The following DPYD variants were observed in gnomAD, a reference collection of about 807,000 sequenced individuals.
DPYD encodes the protein dihydropyrimidine dehydrogenase [NADP(+)].
Under a neutral mutation model 116.2 loss-of-function variants are expected in DPYD, and 109 were observed. The ratio of observed to expected loss-of-function variants is 0.94; its 90% CI spans 0.80 to 1.10. The LOEUF is 1.10. Among genes scored for constraint, DPYD ranks in the 50% least tolerant of loss-of-function variants. The pLI, the probability that DPYD is intolerant of heterozygous loss-of-function variation, is 0.00. For synonymous variants in DPYD, 440 were observed against 432.0 expected, an observed-to-expected ratio of 1.02 and a Z score of -0.23; for missense variants, 1,302 against 1,254.5, an observed-to-expected ratio of 1.04 and a Z score of -0.57.
chr1:97,302,232 G>A (rs1014492181), intron 18 of DPYD, among the ~76,000 whole-genome samples: 4 of 152,030 alleles, frequency 2.6e-5, no homozygotes, highest in African/African-American at 9.6e-5. Context: ...TAGAATCAAT[G>A]GTTTAGACAG....
intron 20 of DPYD, among the ~76,000 whole-genome samples, chr1:97,153,660 G>A (rs1450295379): frequency 1.3e-5 from 2 of 151,948 alleles, no homozygotes; most frequent in African/African-American, 4.8e-5. Context: ...GACTTAATTA[G>A]ACTAAAAACT....
At chr1:97,467,346 T>C (rs1677390620) in intron 13 of DPYD, among the ~76,000 whole-genome samples, 1 of 152,230 alleles carries the variant, frequency 6.6e-6, no homozygotes. Flanking sequence ...ACAAAGCTTC[T>C]CTTCCTTAAC....
chr1:97,785,785 C>T (rs967459047), intron 3 of DPYD, among the ~76,000 whole-genome samples: 11 of 149,568 alleles, frequency 7.4e-5, no homozygotes, highest in East Asian at 3.9e-4. Flanking sequence ...CTCCACCTCC[C>T]GGGTTCATGC....
At chr1:97,652,744 A>G in intron 8 of DPYD, among the ~76,000 whole-genome samples, 1 of 152,186 alleles carries the variant, frequency 6.6e-6, no homozygotes, top group East Asian at 1.9e-4. Flanking sequence ...TTCCTATGAT[A>G]TCAATCAAGA....
intron 21 of DPYD, among the ~76,000 whole-genome samples, chr1:97,092,388 A>G (rs1649956027): frequency 6.6e-6 from 1 of 152,200 alleles, no homozygotes; most frequent in Non-Finnish European, 1.5e-5. Context: ...GACAAAATGA[A>G]ACAATACAAA....
At chr1:97,286,937 G>C (rs1238238410) in intron 18 of DPYD, among the ~76,000 whole-genome samples, 1 of 152,200 alleles carries the variant, frequency 6.6e-6, no homozygotes, top group Non-Finnish European at 1.5e-5. Context: ...GTCATTCTCT[G>C]CCCAGCTTTG....
At chr1:97,401,559 C>T (rs1303492534) in intron 14 of DPYD, among the ~76,000 whole-genome samples, 1 of 152,166 alleles carries the variant, frequency 6.6e-6, no homozygotes, top group Non-Finnish European at 1.5e-5. Flanking sequence ...GGTGATCTAT[C>T]TGCCTTGGCC....
intron 1 of DPYD, among the ~76,000 whole-genome samples, chr1:97,907,062 T>C (rs1217090179): frequency 3.9e-5 from 6 of 151,994 alleles, no homozygotes; most frequent in Non-Finnish European, 8.8e-5. Context: ...GCTTAGAAAG[T>C]GTGGAGACCC....
chr1:97,331,633 G>A (rs996598320), intron 16 of DPYD, among the ~76,000 whole-genome samples: 2 of 151,926 alleles, frequency 1.3e-5, no homozygotes, highest in African/African-American at 4.8e-5. Context: ...CAAAGAAGGA[G>A]GAAAGAAAGA....
intron 8 of DPYD, among the ~76,000 whole-genome samples, chr1:97,642,625 G>A (rs546971274): frequency 4.2e-4 from 62 of 149,218 alleles, no homozygotes; most frequent in African/African-American, 1.1e-3. Context: ...GTAAACTATC[G>A]CAAGAACAAA....
chr1:97,399,187 C>G (rs1385085865), intron 14 of DPYD, among the ~76,000 whole-genome samples: 1 of 152,134 alleles, frequency 6.6e-6, no homozygotes, highest in Non-Finnish European at 1.5e-5. Flanking sequence ...TTCCCAGCAC[C>G]ATGTATTAAA....
At chr1:97,223,446 A>T (rs935298144) in intron 19 of DPYD, among the ~76,000 whole-genome samples, 1 of 151,590 alleles carries the variant, frequency 6.6e-6, no homozygotes, top group African/African-American at 2.4e-5. Flanking sequence ...TACAATCTCA[A>T]TGAAGGCACA....
chr1:97,224,562 A>G (rs961454424), intron 19 of DPYD, among the ~76,000 whole-genome samples: 1 of 151,920 alleles, frequency 6.6e-6, no homozygotes, highest in South Asian at 2.1e-4. Context: ...TATAAAATAC[A>G]ATATTATTAA....
At chr1:97,769,567 T>C (rs1475117052) in intron 3 of DPYD, among the ~76,000 whole-genome samples, 1 of 152,132 alleles carries the variant, frequency 6.6e-6, no homozygotes, top group Non-Finnish European at 1.5e-5. Flanking sequence ...TAGGACAAGA[T>C]CTCAGAACTA....
intron 18 of DPYD, among the ~76,000 whole-genome samples, chr1:97,238,832 T>G (rs193010542): frequency 6.6e-6 from 1 of 152,124 alleles, no homozygotes; most frequent in African/African-American, 2.4e-5. Context: ...ACAGGTAACA[T>G]GCAATTTAAA....
At chr1:97,323,711 T>TAC (rs200395887) in intron 16 of DPYD, among the ~76,000 whole-genome samples, 6 of 145,446 alleles carry the variant, frequency 4.1e-5, no homozygotes, top group South Asian at 2.1e-4. Flanking sequence ...CGTATATATA[T>TAC]ACACACACAC....
At chr1:97,840,702 G>C (rs1257698211) in intron 2 of DPYD, among the ~76,000 whole-genome samples, 1 of 152,032 alleles carries the variant, frequency 6.6e-6, no homozygotes, top group African/African-American at 2.4e-5. Flanking sequence ...ATCCATGAAA[G>C]GCAGAAGCAT....
At chr1:97,122,910 T>C (rs1300190119) in intron 20 of DPYD, among the ~76,000 whole-genome samples, 1 of 152,144 alleles carries the variant, frequency 6.6e-6, no homozygotes, top group Non-Finnish European at 1.5e-5. Flanking sequence ...TTGACTCTTT[T>C]ATGCAATTGA....
At chr1:97,302,689 A>G (rs1163443091) in intron 18 of DPYD, among the ~76,000 whole-genome samples, 1 of 152,006 alleles carries the variant, frequency 6.6e-6, no homozygotes, top group East Asian at 1.9e-4. Flanking sequence ...AAGTTAACTA[A>G]GTAAAAAGTG....
Sources: allele counts gnomAD v4.1 joint callset (sites outside exome capture counted in the v4.1 genomes callset), GRCh38; gene constraint gnomAD v4.1.1; transcripts MANE v1.5; gene names NCBI Gene and HGNC (gene_info 2026-07-23, HGNC 2026-07-21).